The following PHAF1 variants were observed in gnomAD, a reference collection of about 807,000 sequenced individuals.
PHAF1 encodes the protein phagosome assembly factor 1.
Under a neutral mutation model 63.1 loss-of-function variants are expected in PHAF1, and 23 were observed. The ratio of observed to expected loss-of-function variants is 0.36; its 90% CI spans 0.26 to 0.52. The LOEUF (loss-of-function observed/expected upper bound fraction) is 0.52. Ranked by LOEUF, PHAF1 falls within the 20% of genes least tolerant of loss-of-function variation. The probability of loss-of-function intolerance (pLI) is 0.93; values close to 1 mark genes in which losing one functional copy is unlikely to be tolerated. For synonymous variants in PHAF1, 167 were observed against 185.0 expected (o/e 0.90, Z 0.79); for missense variants, 427 against 517.2 (o/e 0.83, Z 1.69).
chr16:67,115,791 G>A (rs1246082373), intron 1 of PHAF1, among the ~76,000 whole-genome samples: 1 of 152,162 alleles, frequency 6.6e-6, no homozygotes, highest in Non-Finnish European at 1.5e-5. Flanking sequence ...CTCCCTGGGT[G>A]ACTCAGGATC....
intron 10 of PHAF1, among the ~76,000 whole-genome samples, chr16:67,143,092 G>T (rs1273338847): frequency 6.6e-6 from 1 of 152,162 alleles, no homozygotes; most frequent in Non-Finnish European, 1.5e-5. Context: ...TTCACTGGGT[G>T]GCATCAAATC....
At chr16:67,131,707 A>G (rs1177265767) in intron 4 of PHAF1, among the ~76,000 whole-genome samples, 1 of 152,190 alleles carries the variant, frequency 6.6e-6, no homozygotes, top group Non-Finnish European at 1.5e-5. Flanking sequence ...TCTGACTCCA[A>G]AGCCTATGCT....
intron 2 of PHAF1, among the ~76,000 whole-genome samples, chr16:67,121,196 T>C (rs1203711603): frequency 6.8e-6 from 1 of 147,188 alleles, no homozygotes; most frequent in African/African-American, 2.5e-5. Context: ...AGGGGTTTCT[T>C]TTTTTTTTTT....
intron 14 of PHAF1, 108 bp from the exon 15 acceptor site, chr16:67,146,170 C>A: frequency 2.0e-6 from 2 of 989,006 alleles, no homozygotes; most frequent in Non-Finnish European, 1.6e-6. Flanking sequence ...ACACTCACAG[C>A]CATGAGAGAC....
intron 6 of PHAF1, among the ~76,000 whole-genome samples, chr16:67,133,828 C>A (rs559349041): frequency 6.6e-6 from 1 of 151,758 alleles, no homozygotes; most frequent in East Asian, 1.9e-4. Context: ...ACTTGTAGTC[C>A]CAGCTACTCA....
intron 15 of PHAF1, 38 bp from the exon 16 acceptor site, chr16:67,147,007 C>T (rs1475690563): frequency 2.6e-6 from 4 of 1,549,420 alleles, no homozygotes; most frequent in Non-Finnish European, 3.6e-6. Context: ...CATCCCTTTA[C>T]CTCTCCCCCT....
intron 3 of PHAF1, 21 bp from the exon 4 acceptor site, chr16:67,131,265 A>C: frequency 6.5e-7 from 1 of 1,544,694 alleles, no homozygotes; most frequent in East Asian, 2.3e-5. Flanking sequence ...GAGCATTGAC[A>C]ACTCTTAAAC....
At chr16:67,137,544 C>A (rs908999549) in intron 8 of PHAF1, among the ~76,000 whole-genome samples, 2 of 152,130 alleles carry the variant, frequency 1.3e-5, no homozygotes, top group African/African-American at 4.8e-5. Flanking sequence ...GTCTCAAACT[C>A]CTGACATCAA....
chr16:67,113,366 G>A (rs1962597510), intron 1 of PHAF1, among the ~76,000 whole-genome samples: 1 of 152,086 alleles, frequency 6.6e-6, no homozygotes, highest in African/African-American at 2.4e-5. Context: ...GAATCTCTGT[G>A]AATATGAATG....
In PHAF1 at chr16:67,110,152, GC is replaced by G. The variant is rs1188838912; in HGVS notation, c.-21del. 1 of 1,550,292 alleles carries G rather than the reference GC, an allele frequency of 6.5e-7. No homozygotes were observed. The highest frequency in any genetic ancestry group is 8.7e-7 in the Non-Finnish European group (1 of 1,147,068). On this transcript the variant is annotated 5_prime_UTR_variant, in exon 1 of 16. Coordinates refer to ENST00000219139, the MANE Select transcript of PHAF1 (RefSeq NM_025187.5). ...CCTTCTGCGCTGCCGCAGGGAGGCCGCCCGGGCCAGGCGAGCCGAACCAATG... is the reference window on the plus strand; with the variant it reads ...CCTTCTGCGCTGCCGCAGGGAGGCCGCCGGGCCAGGCGAGCCGAACCAATG...
chr16:67,140,137 G>A lies in PHAF1; in HGVS notation c.795+20G>A. 6.2e-7 allele frequency: 1 copy of A among 1,609,804 alleles called. No homozygotes were observed. Among genetic ancestry groups the A allele is most frequent in the Non-Finnish European group, 8.5e-7 (1 of 1,178,350 alleles). On this transcript the variant is annotated intron_variant, in intron 9 of 15. Transcript: ENST00000219139. The stretch of plus-strand genomic sequence containing the variant: ...GACAAGGTAGGGGAATTATGTTGCA[G>A]TCTCCTCCTTTTTTTTAATCAACAC...
At chr16:67,119,969 C>T in intron 1 of PHAF1, 143 bp from the exon 2 acceptor site, 1 of 616,416 alleles carries the variant, frequency 1.6e-6, no homozygotes, top group South Asian at 2.0e-5. Context: ...GCTTATTGAA[C>T]TCTTATTTAC....
intron 6 of PHAF1, 83 bp from the exon 7 acceptor site, chr16:67,134,085 A>C: frequency 1.7e-6 from 2 of 1,208,670 alleles, no homozygotes; most frequent in South Asian, 2.6e-5. Context: ...CAGCTCTTGA[A>C]GACCATGAGT....
In PHAF1 at chr16:67,147,198, GT is replaced by G; in HGVS notation, c.*68del. On this transcript the variant is annotated 3_prime_UTR_variant, in exon 16 of 16. Transcript: ENST00000219139. ...ATCACATCCTGCTCAGTGGGCCTCT[GT>G]ACCACCCTGTGGGTTTTCTTGGACA... The G allele has an allele frequency of 6.9e-7, 1 of 1,455,952 alleles. No homozygotes were observed. The highest frequency in any genetic ancestry group is 1.2e-5 in the South Asian group (1 of 85,792). 90.2% of individuals were successfully genotyped at this position (1,455,952 alleles called of 1,614,324 possible). A position where few individuals can be genotyped will look rare whatever the true frequency, so the allele number is the denominator to read the frequency against.
At chr16:67,110,714 G>C (rs1277032463) in intron 1 of PHAF1, among the ~76,000 whole-genome samples, 1 of 152,216 alleles carries the variant, frequency 6.6e-6, no homozygotes, top group African/African-American at 2.4e-5. Flanking sequence ...TTTTTAGGAG[G>C]GGAAACCTAG....
intron 2 of PHAF1, 29 bp downstream of exon 2, chr16:67,120,223 AT>A: frequency 1.3e-6 from 2 of 1,592,508 alleles, no homozygotes; most frequent in Non-Finnish European, 1.7e-6. Context: ...GTTTATTGAA[AT>A]AGCATCCCTC....
chr16:67,115,370 G>T (rs1470032073), intron 1 of PHAF1, among the ~76,000 whole-genome samples: 1 of 152,238 alleles, frequency 6.6e-6, no homozygotes, highest in Non-Finnish European at 1.5e-5. Flanking sequence ...CGAACAAGAG[G>T]CAGCTTTGGG....
intron 12 of PHAF1, among the ~76,000 whole-genome samples, chr16:67,145,093 G>A (rs1049203745): frequency 5.9e-5 from 9 of 152,046 alleles, no homozygotes; most frequent in Admixed American, 1.3e-4. Context: ...TGGGATTGCC[G>A]GCCTCTGGAG....
chr16:67,110,057 G>C lies in PHAF1; in HGVS notation c.-119G>C, dbSNP rs1327953986. 1.1e-4 allele frequency: 118 copies of C among 1,077,784 alleles called. No individual in the cohort carries two copies. Among genetic ancestry groups the C allele is most frequent in the Non-Finnish European group, 1.5e-4 (112 of 740,134 alleles). The allele number at this position is 1,077,784 out of a possible 1,614,324, so 66.8% of individuals were successfully genotyped here. ...CTGCCGCTGCCGCCGGGGAGGAGGT[G>C]GAAAGCGGGGCTGTGGCGGGCCGGC... On this transcript the variant is annotated 5_prime_UTR_variant, in exon 1 of 16. Coordinates refer to ENST00000219139, the MANE Select transcript of PHAF1 (RefSeq NM_025187.5).
Sources: gnomAD v4.1 joint callset for allele counts (sites outside exome capture counted in the v4.1 genomes callset) on GRCh38, gnomAD v4.1.1 for gene constraint, MANE v1.5 for transcripts, NCBI Gene and HGNC (gene_info 2026-07-23, HGNC 2026-07-21) for gene names.